Variants in GRAMD2B observed in about 807,000 individuals in gnomAD.
GRAMD2B encodes the protein GRAM domain-containing protein 2B.
In GRAMD2B, 41 loss-of-function variants were observed where a neutral mutation model predicts 59.2. The observed-to-expected ratio is 0.69, with a 90% CI of 0.54 to 0.90. The LOEUF (loss-of-function observed/expected upper bound fraction) is 0.90, where lower values mean the gene tolerates loss of function less well. Ranked by LOEUF, GRAMD2B falls within the 40% of genes least tolerant of loss-of-function variation. The probability of loss-of-function intolerance (pLI) is 0.00; values close to 1 mark genes in which losing one functional copy is unlikely to be tolerated. For synonymous variants in GRAMD2B, 161 were observed against 182.7 expected, an observed-to-expected ratio of 0.88 and a Z score of 0.96; for missense variants, 424 against 500.5, an observed-to-expected ratio of 0.85 and a Z score of 1.46.
exon 1 of GRAMD2B, chr5:126,371,419 G>C: frequency 7.8e-7 from 1 of 1,274,284 alleles, no homozygotes; most frequent in East Asian, 5.7e-5. Flanking sequence ...GTTGTTCCTT[G>C]ACTTGCGGGT....
intron 1 of GRAMD2B, among the ~76,000 whole-genome samples, chr5:126,438,173 G>T (rs763221310): frequency 6.6e-6 from 1 of 152,064 alleles, no homozygotes; most frequent in Non-Finnish European, 1.5e-5. Context: ...AGGAAGCTAC[G>T]TAGGCTTTAA....
At chr5:126,373,318 C>T (rs1040112658) in intron 1 of GRAMD2B, among the ~76,000 whole-genome samples, 10 of 152,142 alleles carry the variant, frequency 6.6e-5, no homozygotes, top group African/African-American at 2.4e-4. Flanking sequence ...AAAAATAAGA[C>T]CAGGTAAACA....
At chr5:126,383,949 T>C (rs566940130) in intron 1 of GRAMD2B, among the ~76,000 whole-genome samples, 2 of 152,298 alleles carry the variant, frequency 1.3e-5, no homozygotes, top group African/African-American at 4.8e-5. Context: ...TATGATTCTG[T>C]GGGCTTAAAT....
At chr5:126,452,424 C>T (rs1247224468) in intron 1 of GRAMD2B, among the ~76,000 whole-genome samples, 1 of 152,174 alleles carries the variant, frequency 6.6e-6, no homozygotes, top group African/African-American at 2.4e-5. Context: ...ACATTCAGAC[C>T]ATAGCACCTG....
chr5:126,426,479 T>C (rs1760640216), intron 1 of GRAMD2B, among the ~76,000 whole-genome samples: 1 of 152,252 alleles, frequency 6.6e-6, no homozygotes, highest in Non-Finnish European at 1.5e-5. Flanking sequence ...TTAATGTTTA[T>C]TGACAGTTTA....
intron 4 of GRAMD2B, among the ~76,000 whole-genome samples, chr5:126,472,540 C>A (rs1480490203): frequency 6.6e-6 from 1 of 152,090 alleles, no homozygotes; most frequent in African/African-American, 2.4e-5. Context: ...AAGATGGTTC[C>A]GTGATGCCCT....
Position 126,481,299 on chromosome 5 carries a change from T to A in GRAMD2B, c.735+592T>A, listed in dbSNP as rs1771795944. 3.3e-5 allele frequency among the ~76,000 whole-genome samples: 5 copies of A among 151,884 alleles called. No homozygotes were observed. The South Asian group carries it at 1.0e-3, about 32-fold the overall frequency. On this transcript the variant is annotated intron_variant, in intron 8 of 13. Coordinates refer to ENST00000285689, the MANE Select transcript of GRAMD2B (RefSeq NM_023927.4). ...GCCCAAGTGACAGGTAAAGATTGAT[T>A]CATTCCCTTAGACTTTGTAAACCGT...
intron 1 of GRAMD2B, among the ~76,000 whole-genome samples, chr5:126,396,383 G>A (rs572984200): frequency 5.3e-5 from 8 of 152,100 alleles, no homozygotes; most frequent in Non-Finnish European, 1.2e-4. Context: ...ATGTGTCCAT[G>A]TGTTCTCATC....
At chr5:126,472,855 A>C (rs1484942924) in intron 4 of GRAMD2B, among the ~76,000 whole-genome samples, 1 of 152,184 alleles carries the variant, frequency 6.6e-6, no homozygotes, top group Non-Finnish European at 1.5e-5. Context: ...CATGACCTTC[A>C]AACAGGAGGT....
chr5:126,447,875 T>A (rs1305509769), intron 1 of GRAMD2B, among the ~76,000 whole-genome samples: 177 of 129,788 alleles, frequency 1.4e-3, no homozygotes, highest in African/African-American at 3.6e-3. Context: ...TTTTTTTTTT[T>A]AAAAAATAGT....
intron 1 of GRAMD2B, among the ~76,000 whole-genome samples, chr5:126,447,508 C>CA (rs1198199647): frequency 3.3e-5 from 5 of 151,932 alleles, no homozygotes; most frequent in Admixed American, 1.3e-4. Context: ...TAAAAAAATA[C>CA]AAAAAATTAG....
At chr5:126,448,491 A>G (rs1193121138) in intron 1 of GRAMD2B, among the ~76,000 whole-genome samples, 1 of 152,168 alleles carries the variant, frequency 6.6e-6, no homozygotes, top group Non-Finnish European at 1.5e-5. Flanking sequence ...ACAGAGAACC[A>G]AAGGGGTTTT....
rs545996889 is a variant in GRAMD2B at position 126,449,743 on chromosome 5, A to G, written c.84-15683A>G. On this transcript the variant is annotated intron_variant, in intron 1 of 13. Transcript: ENST00000285689. ...CTGTAATAATACTTGGCATTTAAGC[A>G]AAGAGAATTTTCACGTGTGCTGCTG... 5.3e-5 allele frequency among the ~76,000 whole-genome samples: 8 copies of G among 152,316 alleles called. No homozygotes were observed. In the East Asian group the frequency reaches 1.2e-3, roughly 22 times the overall value.
At chr5:126,478,805 G>A (rs767217071) in intron 6 of GRAMD2B, among the ~76,000 whole-genome samples, 3 of 152,186 alleles carry the variant, frequency 2.0e-5, no homozygotes, top group Non-Finnish European at 2.9e-5. Flanking sequence ...CTGACAGGGT[G>A]AGGCAGGCAG....
intron 1 of GRAMD2B, among the ~76,000 whole-genome samples, chr5:126,396,703 T>A (rs1446667008): frequency 6.6e-6 from 1 of 152,190 alleles, no homozygotes; most frequent in African/African-American, 2.4e-5. Flanking sequence ...CAGTAATGGA[T>A]TGGTAGGTCG....
At chr5:126,424,841 T>C (rs1294020952) in intron 1 of GRAMD2B, among the ~76,000 whole-genome samples, 1 of 152,194 alleles carries the variant, frequency 6.6e-6, no homozygotes, top group African/African-American at 2.4e-5. Flanking sequence ...ATGTTGCAGA[T>C]AAAAGCACTG....
intron 4 of GRAMD2B, 84 bp downstream of exon 4, chr5:126,472,388 A>G (rs1487892211): frequency 2.0e-6 from 2 of 1,015,196 alleles, no homozygotes; most frequent in Non-Finnish European, 3.1e-6. Context: ...GGCATAGTCC[A>G]TGGACTGAGT....
intron 1 of GRAMD2B, among the ~76,000 whole-genome samples, chr5:126,440,058 T>C (rs79284838): frequency 0.03 from 4,563 of 152,238 alleles, 93 homozygotes; most frequent in African/African-American, 0.041. Flanking sequence ...CGGTGTTTCT[T>C]CAAAGCAGTA....
intron 1 of GRAMD2B, among the ~76,000 whole-genome samples, chr5:126,400,815 A>C (rs938293317): frequency 6.6e-6 from 1 of 152,084 alleles, no homozygotes; most frequent in Non-Finnish European, 1.5e-5. Context: ...AAATCTTCTG[A>C]TAGTCTTATA....
Sources: gnomAD v4.1 joint callset for allele counts (sites outside exome capture counted in the v4.1 genomes callset) on GRCh38, gnomAD v4.1.1 for gene constraint, MANE v1.5 for transcripts, NCBI Gene and HGNC (gene_info 2026-07-23, HGNC 2026-07-21) for gene names.